The following HCRTR2 variants were observed in gnomAD, a reference collection of about 807,000 sequenced individuals.
HCRTR2 encodes hypocretin receptor 2, also known as orexin receptor type 2.
Under a neutral mutation model 49.0 loss-of-function variants are expected in HCRTR2, and 22 were observed. The observed-to-expected ratio is 0.45, with a 90% confidence interval of 0.32 to 0.64. The LOEUF (loss-of-function observed/expected upper bound fraction) is 0.64, where lower values mean the gene tolerates loss of function less well. HCRTR2 is among the 30% of genes least tolerant of loss of function. The pLI, the probability that HCRTR2 is intolerant of heterozygous loss-of-function variation, is 0.04. For missense variants in HCRTR2, 491 were observed against 559.4 expected (o/e 0.88, Z 1.23); for synonymous variants, 236 against 205.3 (o/e 1.15, Z -1.28).
intron 4 of HCRTR2, among the ~76,000 whole-genome samples, chr6:55,270,426 G>C (rs575244840): frequency 6.6e-6 from 1 of 152,070 alleles, no homozygotes; most frequent in African/African-American, 2.4e-5. Flanking sequence ...GTAACATTTT[G>C]TTCTCCATCA....
chr6:55,189,026 A>T (rs1765271918), intron 1 of HCRTR2, among the ~76,000 whole-genome samples: 2 of 152,222 alleles, frequency 1.3e-5, no homozygotes. Context: ...CATTCAGGGA[A>T]TTCCAATAAT....
At chr6:55,146,140 C>T (rs1055135605) in intron 1 of HCRTR2, among the ~76,000 whole-genome samples, 9 of 152,058 alleles carry the variant, frequency 5.9e-5, no homozygotes, top group Admixed American at 5.9e-4. Flanking sequence ...ACACAGTAAA[C>T]ATGCAACAAA....
intron 4 of HCRTR2, among the ~76,000 whole-genome samples, chr6:55,271,688 T>A (rs988040346): frequency 1.6e-4 from 25 of 152,040 alleles, no homozygotes; most frequent in African/African-American, 5.6e-4. Context: ...ATTAATAATT[T>A]AAAAAAATTA....
intron 1 of HCRTR2, among the ~76,000 whole-genome samples, chr6:55,206,898 G>T (rs1562006774): frequency 6.6e-6 from 1 of 151,852 alleles, no homozygotes; most frequent in Non-Finnish European, 1.5e-5. Context: ...CCAAGTTCAG[G>T]ATTTATCATG....
intron 4 of HCRTR2, among the ~76,000 whole-genome samples, chr6:55,269,923 C>T (rs1379278413): frequency 6.6e-6 from 1 of 152,134 alleles, no homozygotes; most frequent in Non-Finnish European, 1.5e-5. Context: ...AAGACTGCAC[C>T]ACTGCACTCC....
At chr6:55,226,401 C>T (rs1766005323) in intron 1 of HCRTR2, among the ~76,000 whole-genome samples, 1 of 152,090 alleles carries the variant, frequency 6.6e-6, no homozygotes, top group Admixed American at 6.5e-5. Flanking sequence ...CTCCGACTCC[C>T]AAGTTCAAGT....
intron 1 of HCRTR2, among the ~76,000 whole-genome samples, chr6:55,125,905 T>C (rs1299347361): frequency 6.6e-6 from 1 of 152,176 alleles, no homozygotes; most frequent in Non-Finnish European, 1.5e-5. Context: ...CTTGATCGAT[T>C]CAGCGATTGA....
rs577820309 is a variant in HCRTR2 at position 55,232,097 on chromosome 6, T to C, written c.224-16542T>C. On this transcript the variant is annotated intron_variant, in intron 1 of 6. Coordinates refer to ENST00000370862, the MANE Select transcript of HCRTR2 (RefSeq NM_001384272.1). ...TTTCAGAACTCTATTCTGACAAACA[T>C]TTGGCTTCAACCTGTAATTAAAAAC... Among the ~76,000 whole-genome samples the C allele has an allele frequency of 4.6e-4, 70 of 152,276 alleles. 1 individual carries two copies. The highest frequency in any genetic ancestry group is 1.6e-3 in the African/African-American group (66 of 41,562).
At chr6:55,153,891 C>T (rs1158667075) in intron 1 of HCRTR2, among the ~76,000 whole-genome samples, 7 of 151,416 alleles carry the variant, frequency 4.6e-5, no homozygotes, top group Non-Finnish European at 4.4e-5. Flanking sequence ...ATTAACAAAC[C>T]CTTACCTTGA....
intron 1 of HCRTR2, among the ~76,000 whole-genome samples, chr6:55,218,273 C>T (rs896187025): frequency 6.6e-6 from 1 of 151,988 alleles, no homozygotes; most frequent in Non-Finnish European, 1.5e-5. Context: ...TCAGAGGAGA[C>T]AAACATTCAA....
chr6:55,173,303 G>A (rs1309859194), upstream of HCRTR2, among the ~76,000 whole-genome samples: 1 of 152,178 alleles, frequency 6.6e-6, no homozygotes, highest in Non-Finnish European at 1.5e-5. Flanking sequence ...TGGAAGTAGT[G>A]AATTGTGGTG....
chr6:55,166,398 A>ATTG (rs74621413), intron 1 of HCRTR2, among the ~76,000 whole-genome samples: 142,363 of 150,700 alleles, frequency 0.94, 67,341 homozygotes, highest in East Asian at 1. Flanking sequence ...TAGTTTGAGA[A>ATTG]TTGTTAGTTT....
chr6:55,188,245 C>T (rs375435710), intron 1 of HCRTR2, among the ~76,000 whole-genome samples: 45 of 152,294 alleles, frequency 3.0e-4, no homozygotes, highest in Admixed American at 1.2e-3. Context: ...GGTTCCATAA[C>T]TAATCACCAA....
At chr6:55,201,191 A>G (rs3122148) in intron 1 of HCRTR2, among the ~76,000 whole-genome samples, 42,460 of 151,952 alleles carry the variant, frequency 0.28, 6,563 homozygotes, top group African/African-American at 0.4. Context: ...CAGGGAAAAT[A>G]TATCAGATAT....
chr6:55,124,132 T>A (rs576426244), intron 1 of HCRTR2, among the ~76,000 whole-genome samples: 94 of 152,328 alleles, frequency 6.2e-4, no homozygotes, highest in African/African-American at 2.2e-3. Context: ...TGCTATGATC[T>A]TAGTTATTTC....
intron 1 of HCRTR2, among the ~76,000 whole-genome samples, chr6:55,136,598 T>C (rs1764438306): frequency 1.3e-5 from 2 of 152,212 alleles, no homozygotes. Flanking sequence ...AAATATATTA[T>C]ATCATCTTGG....
chr6:55,174,325 C>A, upstream of HCRTR2: 1 of 513,508 alleles, frequency 1.9e-6, no homozygotes, highest in South Asian at 2.0e-5. Flanking sequence ...GGTGTCATTG[C>A]TGCAGCCTCC....
chr6:55,240,274 C>T lies in HCRTR2; in HGVS notation c.224-8365C>T, dbSNP rs143160267. Among the ~76,000 whole-genome samples, 5 of 133,102 alleles carry T rather than the reference C, an allele frequency of 3.8e-5. No individual in the cohort carries two copies. The Admixed American group carries it at 4.6e-4, about 12-fold the overall frequency. 87.3% of individuals were successfully genotyped at this position (133,102 alleles called of 152,430 possible). ...TCAGGAGGCTGAGGCAGGAGAATGG[C>T]GTGAACCCGGGAGGCGGAGCTTGCA... On this transcript the variant is annotated intron_variant, in intron 1 of 6. Transcript: ENST00000370862.
intron 1 of HCRTR2, among the ~76,000 whole-genome samples, chr6:55,162,361 A>G (rs62418290): frequency 0.022 from 3,328 of 152,320 alleles, 44 homozygotes; most frequent in African/African-American, 0.041. Context: ...GCTATTTATG[A>G]CAAACCCATA....
Sources: gnomAD v4.1 joint callset for allele counts (sites outside exome capture counted in the v4.1 genomes callset) on GRCh38, gnomAD v4.1.1 for gene constraint, MANE v1.5 for transcripts, NCBI Gene and HGNC (gene_info 2026-07-23, HGNC 2026-07-21) for gene names.